CABCOCO1: variants seen among roughly 807,000 people sequenced by gnomAD.
The protein encoded by CABCOCO1 is ciliary-associated calcium-binding coiled-coil protein 1.
In CABCOCO1, 28 loss-of-function variants were observed where a neutral mutation model predicts 35.7. That is an observed-to-expected ratio of 0.78 (90% CI 0.58 to 1.07). CABCOCO1 has a LOEUF of 1.07. CABCOCO1 is among the 50% of genes least tolerant of loss of function. The probability of loss-of-function intolerance (pLI) is 0.00; values close to 1 mark genes in which losing one functional copy is unlikely to be tolerated. For synonymous variants in CABCOCO1, 95 were observed against 100.1 expected, an observed-to-expected ratio of 0.95 and a Z score of 0.30; for missense variants, 326 against 309.2, an observed-to-expected ratio of 1.05 and a Z score of -0.41.
Position 61,690,482 on chromosome 10 carries a change from T to C in CABCOCO1, c.480-67T>C, listed in dbSNP as rs533058660. On this transcript the variant is annotated intron_variant, in intron 4 of 7. Coordinates refer to ENST00000648843, the MANE Select transcript of CABCOCO1 (RefSeq NM_001366906.2). ...AATATGAAGTTTCCTTTAATAAATG[T>C]CTTTACATATTGTGTTTTTTTTCCT... 5.2e-4 allele frequency: 547 copies of C among 1,062,020 alleles called. 1 individual carries two copies. The highest frequency in any genetic ancestry group is 7.4e-4 in the Non-Finnish European group (520 of 703,092). The allele number at this position is 1,062,020 out of a possible 1,614,324, so 65.8% of individuals were successfully genotyped here. A position where few individuals can be genotyped will look rare whatever the true frequency, so the allele number is the denominator to read the frequency against.
chr10:61,747,125 A>G (rs142173572), intron 5 of CABCOCO1, among the ~76,000 whole-genome samples: 1 of 152,292 alleles, frequency 6.6e-6, no homozygotes, highest in African/African-American at 2.4e-5. Flanking sequence ...CAAAAGAATA[A>G]ATTAGTTATA....
intron 5 of CABCOCO1, chr10:61,701,848 T>G (rs1426945553): frequency 3.2e-6 from 3 of 940,534 alleles, no homozygotes; most frequent in African/African-American, 1.8e-5. Context: ...TGGATATAAC[T>G]GTCTTCAAAT....
At chr10:61,740,084 G>A (rs903707149) in intron 5 of CABCOCO1, among the ~76,000 whole-genome samples, 12 of 152,128 alleles carry the variant, frequency 7.9e-5, no homozygotes, top group Non-Finnish European at 1.3e-4. Flanking sequence ...AGTATAATTC[G>A]AAGCCAATTT....
intron 5 of CABCOCO1, among the ~76,000 whole-genome samples, chr10:61,741,287 G>A (rs1373853065): frequency 6.6e-6 from 1 of 152,076 alleles, no homozygotes; most frequent in Non-Finnish European, 1.5e-5. Flanking sequence ...TAATAGAAGT[G>A]AATCATATGA....
chr10:61,671,241 G>T (rs968835786), intron 1 of CABCOCO1, among the ~76,000 whole-genome samples: 1 of 152,040 alleles, frequency 6.6e-6, no homozygotes, highest in Non-Finnish European at 1.5e-5. Flanking sequence ...CAGGAGAATG[G>T]TGTGAACCTG....
rs1334803917 is a variant in CABCOCO1, at chr10:61,681,260, T to G, written c.282T>G (p.Ile94Met). The change falls in exon 3 of 8, where the codon ATT (isoleucine) becomes ATG (methionine). Residue 94 changes from isoleucine (I) to methionine (M), a missense_variant. Transcript: ENST00000648843. ...CTAGAGGAATGGATTTCTCTATTAT[T>G]CAGTATTCAAAATTTATGACTTTAC... ...LWARGMDFSI[I>M]QYSKFMTLLA... 32 of 1,571,586 alleles carry G rather than the reference T, an allele frequency of 2.0e-5. No homozygotes were observed. Among genetic ancestry groups the G allele is most frequent in the Non-Finnish European group, 2.7e-5 (31 of 1,150,968 alleles).
chr10:61,734,966 A>T (rs146143592), intron 5 of CABCOCO1, among the ~76,000 whole-genome samples: 2 of 152,266 alleles, frequency 1.3e-5, no homozygotes, highest in East Asian at 3.9e-4. Flanking sequence ...GTAACCTTAA[A>T]ATGTTAAATA....
At chr10:61,704,903 C>T (rs1176685139) in intron 5 of CABCOCO1, among the ~76,000 whole-genome samples, 2 of 151,078 alleles carry the variant, frequency 1.3e-5, no homozygotes, top group Non-Finnish European at 2.9e-5. Context: ...AGAAAAGCCC[C>T]CTTGGATTTC....
At chr10:61,699,416 T>C (rs1840382361) in intron 5 of CABCOCO1, among the ~76,000 whole-genome samples, 1 of 152,120 alleles carries the variant, frequency 6.6e-6, no homozygotes, top group South Asian at 2.1e-4. Flanking sequence ...ACATCTCAAC[T>C]CTTGAGACTG....
intron 2 of CABCOCO1, among the ~76,000 whole-genome samples, chr10:61,680,043 G>A (rs1243409907): frequency 6.6e-6 from 1 of 151,904 alleles, no homozygotes; most frequent in Admixed American, 6.6e-5. Context: ...TGGGTGCGGT[G>A]TTCACGCCTG....
chr10:61,757,144 A>G (rs1307829470), intron 5 of CABCOCO1, among the ~76,000 whole-genome samples: 1 of 151,266 alleles, frequency 6.6e-6, no homozygotes, highest in Non-Finnish European at 1.5e-5. Flanking sequence ...TTTTTTAAAG[A>G]AACTATTGCA....
At chr10:61,708,142 C>T (rs1589133679) in intron 5 of CABCOCO1, among the ~76,000 whole-genome samples, 1 of 151,200 alleles carries the variant, frequency 6.6e-6, no homozygotes, top group East Asian at 1.9e-4. Flanking sequence ...TCAGGCTCCA[C>T]AACTACTTAT....
rs911580649 is a variant in CABCOCO1 at position 61,766,311 on chromosome 10, T to C, written c.*298T>C. 1 of 185,326 alleles carries C rather than the reference T, an allele frequency of 5.4e-6. No individual in the cohort carries two copies. Among genetic ancestry groups the C allele is most frequent in the African/African-American group, 2.4e-5 (1 of 42,474 alleles). The allele number at this position is 185,326 out of a possible 1,614,324, so 11.5% of individuals were successfully genotyped here. Reference sequence around the variant, plus strand: ...TATGATAGTCCTTTGACGTTTTGACTAATAAATCCTATTCATCTTCAAGGA... The same window carrying C: ...TATGATAGTCCTTTGACGTTTTGACCAATAAATCCTATTCATCTTCAAGGA... On this transcript the variant is annotated 3_prime_UTR_variant, in exon 8 of 8. Coordinates refer to ENST00000648843, the MANE Select transcript of CABCOCO1 (RefSeq NM_001366906.2).
chr10:61,756,438 T>C (rs1841898868), intron 5 of CABCOCO1, among the ~76,000 whole-genome samples: 1 of 152,074 alleles, frequency 6.6e-6, no homozygotes, highest in Non-Finnish European at 1.5e-5. Flanking sequence ...TTCTCTTCTT[T>C]ATTAGAGCTT....
At chr10:61,713,758 T>C (rs1840790115) in intron 5 of CABCOCO1, among the ~76,000 whole-genome samples, 1 of 152,234 alleles carries the variant, frequency 6.6e-6, no homozygotes, top group Non-Finnish European at 1.5e-5. Context: ...TCTGCATCTA[T>C]TGAGATAATC....
chr10:61,727,468 G>C (rs1009953168), intron 5 of CABCOCO1, among the ~76,000 whole-genome samples: 1 of 152,040 alleles, frequency 6.6e-6, no homozygotes, highest in Non-Finnish European at 1.5e-5. Context: ...GAGCTCTAGA[G>C]TTCAAAGAAT....
chr10:61,717,460 T>A (rs1472418764), intron 5 of CABCOCO1, among the ~76,000 whole-genome samples: 1 of 149,110 alleles, frequency 6.7e-6, no homozygotes, highest in Non-Finnish European at 1.5e-5. Flanking sequence ...AAAAGCCTAA[T>A]AATGACTTAG....
At chr10:61,750,130 A>G (rs1226297151) in intron 5 of CABCOCO1, among the ~76,000 whole-genome samples, 1 of 152,182 alleles carries the variant, frequency 6.6e-6, no homozygotes, top group East Asian at 1.9e-4. Flanking sequence ...CATGGCCCCT[A>G]GAGTCAGGCA....
intron 5 of CABCOCO1, among the ~76,000 whole-genome samples, chr10:61,730,337 T>C (rs4539264): frequency 0.22 from 33,050 of 151,960 alleles, 4,252 homozygotes; most frequent in East Asian, 0.55. Flanking sequence ...CTAGCCAATG[T>C]GAACATCCAA....
Sources: gnomAD v4.1 joint callset for allele counts (sites outside exome capture counted in the v4.1 genomes callset) on GRCh38, gnomAD v4.1.1 for gene constraint, MANE v1.5 for transcripts, NCBI Gene and HGNC (gene_info 2026-07-23, HGNC 2026-07-21) for gene names.